The following BMP6 variants were observed in gnomAD, a reference collection of about 807,000 sequenced individuals.
BMP6 encodes VG-1-R.
In BMP6, 17 loss-of-function variants were observed where a neutral mutation model predicts 54.1. The observed-to-expected ratio is 0.31, with a 90% CI of 0.22 to 0.47. The LOEUF is 0.47. Ranked by LOEUF, BMP6 falls within the 20% of genes least tolerant of loss-of-function variation. The probability of loss-of-function intolerance (pLI) is 1.00; values close to 1 mark genes in which losing one functional copy is unlikely to be tolerated. For synonymous variants in BMP6, 328 were observed against 291.2 expected (o/e 1.13, Z -1.28); for missense variants, 720 against 690.4 (o/e 1.04, Z -0.48).
chr6:7,756,711 T>C (rs1757520349), intron 1 of BMP6, among the ~76,000 whole-genome samples: 1 of 152,234 alleles, frequency 6.6e-6, no homozygotes, highest in Admixed American at 6.5e-5. Context: ...TTTGATCCTT[T>C]TGAACTTTGC....
intron 1 of BMP6, among the ~76,000 whole-genome samples, chr6:7,826,797 G>C (rs564416490): frequency 2.0e-5 from 3 of 152,316 alleles, no homozygotes; most frequent in East Asian, 3.9e-4. Flanking sequence ...CCTCTCATGG[G>C]AGCACAGTCC....
chr6:7,767,477 G>T (rs979394295), intron 1 of BMP6, among the ~76,000 whole-genome samples: 3 of 152,104 alleles, frequency 2.0e-5, no homozygotes, highest in Admixed American at 6.5e-5. Flanking sequence ...GTAAAGTGTA[G>T]GTCTGAGCCC....
chr6:7,824,520 G>A (rs911017569), intron 1 of BMP6, among the ~76,000 whole-genome samples: 1 of 152,192 alleles, frequency 6.6e-6, no homozygotes, highest in Admixed American at 6.5e-5. Flanking sequence ...GGGAGGGGAA[G>A]CCCTAACTGA....
chr6:7,764,450 G>A (rs1757656088), intron 1 of BMP6, among the ~76,000 whole-genome samples: 1 of 152,036 alleles, frequency 6.6e-6, no homozygotes, highest in South Asian at 2.1e-4. Flanking sequence ...CTGAAGTTTT[G>A]GGCCTCACTC....
chr6:7,727,115 G>C lies in BMP6; in HGVS notation c.160G>C (p.Glu54Gln). The C allele has an allele frequency of 6.6e-7, 1 of 1,514,326 alleles. No homozygotes were observed. Among genetic ancestry groups the C allele is most frequent in the Non-Finnish European group, 8.8e-7 (1 of 1,132,966 alleles). 93.8% of individuals were successfully genotyped at this position (1,514,326 alleles called of 1,614,324 possible). ...GGACGGCGGGAGCCCCGGCCGCACG[G>C]AGCAGCCGCCGCCGTCGCCGCAGTC... ...LGDGGSPGRT[E>Q]QPPPSPQSSS... is the part of the protein sequence containing the mutation. Residue 54 changes from glutamate to glutamine, a missense_variant, in exon 1 of 7, where the codon GAG (glutamate) becomes CAG (glutamine). By Grantham distance (29) the Glu-to-Gln change is conservative (BLOSUM62 2). This residue lies in a region of BMP6 where 650 missense variants were observed against 556.3 expected (regional missense o/e 1.17). Coordinates refer to ENST00000283147, the MANE Select transcript of BMP6 (RefSeq NM_001718.6).
chr6:7,781,782 C>T (rs935348995), intron 1 of BMP6, among the ~76,000 whole-genome samples: 31 of 151,632 alleles, frequency 2.0e-4, no homozygotes, highest in African/African-American at 7.0e-4. Flanking sequence ...GGAAGGTTTC[C>T]TGGAACAAAT....
intron 1 of BMP6, among the ~76,000 whole-genome samples, chr6:7,791,469 G>A (rs1024234942): frequency 5.3e-5 from 8 of 152,092 alleles, no homozygotes; most frequent in African/African-American, 1.9e-4. Context: ...CCCCTTAAAT[G>A]TTAGTGTTTT....
In BMP6 at chr6:7,862,256, A is replaced by C. The variant is rs28493911; in HGVS notation, c.1007-45A>C. 1.0e-3 allele frequency: 1,632 copies of C among 1,591,904 alleles called. 33 individuals carry two copies. The East Asian group carries it at 0.029, about 28-fold the overall frequency. ...CTTAACTGTTGTAGCTACAGGAACA[A>C]GTTTCTGTGGAATAAAGAGATGCAT... On this transcript the variant is annotated intron_variant, in intron 3 of 6. Coordinates refer to ENST00000283147, the MANE Select transcript of BMP6 (RefSeq NM_001718.6).
intron 1 of BMP6, among the ~76,000 whole-genome samples, chr6:7,789,758 C>A (rs1405906681): frequency 1.3e-5 from 2 of 152,114 alleles, no homozygotes; most frequent in Admixed American, 1.3e-4. Context: ...CCCTGGCTGG[C>A]CTTTTAAAAA....
chr6:7,730,177 C>G (rs1004182714), intron 1 of BMP6, among the ~76,000 whole-genome samples: 1 of 152,158 alleles, frequency 6.6e-6, no homozygotes, highest in African/African-American at 2.4e-5. Context: ...TCTGACTTTT[C>G]GTGGGCTACA....
intron 1 of BMP6, among the ~76,000 whole-genome samples, chr6:7,731,207 G>A (rs544813797): frequency 6.6e-6 from 1 of 152,304 alleles, no homozygotes; most frequent in African/African-American, 2.4e-5. Context: ...TCGTGAACTT[G>A]CATTCACTCA....
At chr6:7,855,825 T>G (rs1180678716) in intron 2 of BMP6, among the ~76,000 whole-genome samples, 1 of 151,850 alleles carries the variant, frequency 6.6e-6, no homozygotes, top group Non-Finnish European at 1.5e-5. Context: ...CACCATGCCC[T>G]GCCCACTTAA....
At chr6:7,810,873 C>T (rs1403386423) in intron 1 of BMP6, among the ~76,000 whole-genome samples, 4 of 152,136 alleles carry the variant, frequency 2.6e-5, no homozygotes, top group African/African-American at 9.7e-5. Context: ...AGGAAACATC[C>T]TTAGCTACAC....
chr6:7,767,652 T>G (rs1169058714), intron 1 of BMP6, among the ~76,000 whole-genome samples: 1 of 152,248 alleles, frequency 6.6e-6, no homozygotes, highest in Non-Finnish European at 1.5e-5. Flanking sequence ...AGATAATTTC[T>G]TATCCAGGAA....
At chr6:7,796,667 A>G (rs1196170444) in intron 1 of BMP6, among the ~76,000 whole-genome samples, 1 of 152,248 alleles carries the variant, frequency 6.6e-6, no homozygotes, top group Admixed American at 6.5e-5. Context: ...TGCCAGAAAA[A>G]AAGCGATACT....
At chr6:7,750,842 T>C (rs1757411209) in intron 1 of BMP6, among the ~76,000 whole-genome samples, 1 of 152,220 alleles carries the variant, frequency 6.6e-6, no homozygotes, top group South Asian at 2.1e-4. Context: ...ACTTCCTCAC[T>C]CTTGTCCACT....
rs1415431745 is a variant in BMP6 at position 7,727,200 on chromosome 6, A to G, written c.245A>G (p.Glu82Gly). 1.2e-6 allele frequency: 2 copies of G among 1,604,538 alleles called. No individual in the cohort carries two copies. Among genetic ancestry groups the G allele is most frequent in the Admixed American group, 1.7e-5 (1 of 59,216 alleles). Residue 82 changes from glutamate (E) to glycine (G), a missense_variant, in exon 1 of 7, where the codon GAG becomes GGG. Glu to Gly is a moderately conservative substitution (Grantham distance 98). Around this residue, in one of 3 missense-constraint regions of BMP6, gnomAD observed 650 missense variants for 556.3 expected, o/e 1.17. Transcript: ENST00000283147. ...KTQEKREMQK[E>G]ILSVLGLPHR... ...CAGGAGAAGCGGGAGATGCAGAAGG[A>G]GATCTTGTCGGTGCTGGGGCTCCCG...
At chr6:7,873,646 C>G (rs889475177) in intron 4 of BMP6, among the ~76,000 whole-genome samples, 1 of 152,070 alleles carries the variant, frequency 6.6e-6, no homozygotes. Flanking sequence ...TGGTAACTAG[C>G]CCCCATCCTG....
chr6:7,733,541 T>A (rs1761905991), intron 1 of BMP6, among the ~76,000 whole-genome samples: 1 of 152,174 alleles, frequency 6.6e-6, no homozygotes, highest in South Asian at 2.1e-4. Flanking sequence ...AACCCAGCCA[T>A]GTGCCCAGCA....
Sources: gnomAD v4.1 joint callset for allele counts (sites outside exome capture counted in the v4.1 genomes callset) on GRCh38, gnomAD v4.1.1 for gene constraint, gnomAD v4.1.1 regional missense constraint, MANE v1.5 for transcripts, NCBI Gene and HGNC (gene_info 2026-07-23, HGNC 2026-07-21) for gene names.